Variants in UNC13C observed in about 807,000 individuals in gnomAD.
The protein encoded by UNC13C is unc-13 homolog C.
A neutral mutation model predicts 245.4 loss-of-function variants in UNC13C; 174 were observed. The observed-to-expected ratio is 0.71, with a 90% confidence interval of 0.63 to 0.80. UNC13C has a LOEUF of 0.80. Among genes scored for constraint, UNC13C ranks in the 30% least tolerant of loss-of-function variants. The pLI is 0.00. For synonymous variants in UNC13C, 992 were observed against 895.1 expected (o/e 1.11, Z -1.93); for missense variants, 2,829 against 2,602.9 (o/e 1.09, Z -1.89).
chr15:53,941,946 C>A, the UNC13C span, among the ~76,000 whole-genome samples: 1 of 152,146 alleles, frequency 6.6e-6, no homozygotes, highest in South Asian at 2.1e-4. Flanking sequence ...GACACTTTTA[C>A]ATTGTTGGTG....
intron 30 of UNC13C, among the ~76,000 whole-genome samples, chr15:54,582,126 G>T (rs1268092182): frequency 1.3e-5 from 2 of 152,118 alleles, no homozygotes; most frequent in African/African-American, 4.8e-5. Context: ...AAGGCCTTTT[G>T]GAAAACAGTT....
At chr15:54,192,415 A>G (rs2034215740) in intron 4 of UNC13C, among the ~76,000 whole-genome samples, 1 of 152,064 alleles carries the variant, frequency 6.6e-6, no homozygotes, top group East Asian at 1.9e-4. Flanking sequence ...CCATGCTTCA[A>G]AGTAGTGCAT....
chr15:54,000,898 G>A (rs1175396926), intron 1 of UNC13C, among the ~76,000 whole-genome samples: 1 of 152,070 alleles, frequency 6.6e-6, no homozygotes, highest in Non-Finnish European at 1.5e-5. Flanking sequence ...TGTAATTTTA[G>A]CAAAGGACAT....
chr15:54,285,204 G>A (rs2037110627), intron 10 of UNC13C, among the ~76,000 whole-genome samples: 3 of 151,288 alleles, frequency 2.0e-5, no homozygotes, highest in Admixed American at 1.3e-4. Flanking sequence ...GATTTACAGT[G>A]CCTTAATACT....
At chr15:54,443,594 A>T (rs1230098038) in intron 19 of UNC13C, among the ~76,000 whole-genome samples, 1 of 152,030 alleles carries the variant, frequency 6.6e-6, no homozygotes, top group Non-Finnish European at 1.5e-5. Flanking sequence ...ATATTTTGCT[A>T]TGCTGTGTTT....
At chr15:54,251,153 C>G (rs7497200) in intron 8 of UNC13C, among the ~76,000 whole-genome samples, 1 of 152,290 alleles carries the variant, frequency 6.6e-6, no homozygotes, top group East Asian at 1.9e-4. Context: ...AGATATGCTT[C>G]TGCATTTACA....
intron 26 of UNC13C, 111 bp downstream of exon 26, chr15:54,533,177 A>G (rs937587708): frequency 9.5e-6 from 7 of 740,542 alleles, no homozygotes; most frequent in African/African-American, 3.7e-5. Context: ...AAGTCTTTCT[A>G]TAGAAATAAA....
intron 1 of UNC13C, among the ~76,000 whole-genome samples, chr15:54,000,534 G>A (rs1246220969): frequency 6.6e-6 from 1 of 152,092 alleles, no homozygotes; most frequent in Admixed American, 6.6e-5. Context: ...GATCTATCAA[G>A]TGGTTTTAAC....
chr15:54,082,172 A>G (rs1032514722), intron 2 of UNC13C, among the ~76,000 whole-genome samples: 2 of 152,026 alleles, frequency 1.3e-5, no homozygotes, highest in African/African-American at 4.8e-5. Flanking sequence ...TTTATAGGTA[A>G]TTTTGCCCTT....
chr15:54,275,041 CAGAA>C (rs1312046090), intron 10 of UNC13C, among the ~76,000 whole-genome samples: 4 of 151,978 alleles, frequency 2.6e-5, no homozygotes, highest in Non-Finnish European at 5.9e-5. Context: ...TGGGGGAAAA[CAGAA>C]AGCAAATAGC....
At chr15:54,593,051 C>T (rs374195504) in intron 30 of UNC13C, among the ~76,000 whole-genome samples, 7 of 152,036 alleles carry the variant, frequency 4.6e-5, no homozygotes, top group Admixed American at 3.3e-4. Context: ...ATAACTATCT[C>T]TCCTTCATAT....
chr15:53,889,215 C>A, the UNC13C span, among the ~76,000 whole-genome samples: 1 of 152,270 alleles, frequency 6.6e-6, no homozygotes, highest in Admixed American at 6.5e-5. Context: ...TTTGTGTCCT[C>A]TCTTATTTCC....
intron 4 of UNC13C, among the ~76,000 whole-genome samples, chr15:54,189,750 T>G (rs943732006): frequency 9.2e-5 from 14 of 152,078 alleles, no homozygotes; most frequent in African/African-American, 3.4e-4. Flanking sequence ...TGGCAAAGCT[T>G]ATAGGGCCAT....
In UNC13C at chr15:54,236,034, A is replaced by G. The variant is rs28682294; in HGVS notation, c.3151-396A>G. On this transcript the variant is annotated intron_variant, in intron 5 of 32. Transcript: ENST00000260323. ...ATTAGATTGTAAAAAAAAAAAAATC[A>G]TCGTGAAAAAGTGTCTCTTCTATCA... Among the ~76,000 whole-genome samples, 784 of 149,346 alleles carry G rather than the reference A, an allele frequency of 5.2e-3. 11 individuals are homozygous for G. Among genetic ancestry groups the G allele is most frequent in the African/African-American group, 0.019 (751 of 39,646 alleles).
intron 19 of UNC13C, among the ~76,000 whole-genome samples, chr15:54,486,347 G>T (rs138193736): frequency 3.3e-5 from 5 of 149,904 alleles, no homozygotes. Flanking sequence ...TGAAGCAGGC[G>T]AATCACTTGA....
chr15:54,286,008 G>A (rs2037139208), intron 10 of UNC13C, among the ~76,000 whole-genome samples: 1 of 152,032 alleles, frequency 6.6e-6, no homozygotes, highest in African/African-American at 2.4e-5. Flanking sequence ...CTCCTGAGTA[G>A]CTGGAGTTGC....
intron 17 of UNC13C, among the ~76,000 whole-genome samples, chr15:54,374,516 A>T (rs2039562211): frequency 6.6e-6 from 1 of 152,248 alleles, no homozygotes; most frequent in African/African-American, 2.4e-5. Context: ...GCCCAGGCTT[A>T]GTCTCAACTT....
intron 26 of UNC13C, among the ~76,000 whole-genome samples, chr15:54,541,284 C>T (rs546456559): frequency 1.8e-4 from 28 of 152,054 alleles, no homozygotes; most frequent in Non-Finnish European, 3.7e-4. Context: ...TATATAAATA[C>T]AATTATGTAT....
At chr15:54,271,076 C>G (rs1210198900) in intron 10 of UNC13C, among the ~76,000 whole-genome samples, 3 of 151,996 alleles carry the variant, frequency 2.0e-5, no homozygotes, top group Non-Finnish European at 4.4e-5. Context: ...TTTTATTTAT[C>G]TTACTTTAAA....
Sources: allele counts gnomAD v4.1 joint callset (sites outside exome capture counted in the v4.1 genomes callset), GRCh38; gene constraint gnomAD v4.1.1; transcripts MANE v1.5; gene names NCBI Gene and HGNC (gene_info 2026-07-23, HGNC 2026-07-21).